The following ATL2 variants were observed in gnomAD, a reference collection of about 807,000 sequenced individuals.
ATL2 encodes atlastin-2.
Under a neutral mutation model 73.9 loss-of-function variants are expected in ATL2, and 31 were observed. The observed-to-expected ratio is 0.42, with a 90% CI of 0.32 to 0.57. The LOEUF is 0.57. ATL2 is among the 20% of genes least tolerant of loss of function. ATL2 has a pLI of 0.14. For missense variants in ATL2, 738 were observed against 702.6 expected, an observed-to-expected ratio of 1.05 and a Z score of -0.57; for synonymous variants, 291 against 237.5, an observed-to-expected ratio of 1.23 and a Z score of -2.07.
intron 2 of ATL2, 30 bp from the exon 3 acceptor site, chr2:38,319,049 C>T: frequency 1.9e-6 from 3 of 1,595,652 alleles, no homozygotes; most frequent in Non-Finnish European, 1.7e-6. Context: ...ATGTAAAATA[C>T]AACACAATTA....
At chr2:38,342,271 G>A (rs1303949287) in intron 2 of ATL2, among the ~76,000 whole-genome samples, 1 of 151,982 alleles carries the variant, frequency 6.6e-6, no homozygotes, top group Non-Finnish European at 1.5e-5. Flanking sequence ...CTTGTGCCAG[G>A]TGCTTGATAA....
At chr2:38,304,347 G>A (rs1046278374) in intron 9 of ATL2, among the ~76,000 whole-genome samples, 1 of 152,128 alleles carries the variant, frequency 6.6e-6, no homozygotes, top group Admixed American at 6.5e-5. Flanking sequence ...TCAAACAAAA[G>A]CTGAGGAATT....
intron 2 of ATL2, among the ~76,000 whole-genome samples, chr2:38,320,692 C>A (rs1000078218): frequency 1.1e-4 from 17 of 152,120 alleles, no homozygotes; most frequent in Admixed American, 4.6e-4. Flanking sequence ...ACAGGAAAAA[C>A]GCCTTTGTTT....
intron 4 of ATL2, among the ~76,000 whole-genome samples, chr2:38,318,156 T>C (rs1336490413): frequency 3.3e-5 from 5 of 151,716 alleles, no homozygotes; most frequent in East Asian, 1.9e-4. Flanking sequence ...TGAGAATCCA[T>C]CTCAAAAAAA....
chr2:38,310,633 T>TC (rs1238947539), intron 7 of ATL2, among the ~76,000 whole-genome samples, 186 bp from the exon 8 acceptor site: 1 of 124,686 alleles, frequency 8.0e-6, no homozygotes, highest in Non-Finnish European at 1.5e-5. Context: ...ACCCCACTTT[T>TC]TTTTTTTTTT....
At position 38,369,446 on chromosome 2, in the gene ATL2, G is replaced by GA. The variant is rs1172148119; in HGVS notation, c.118+7696dup. On this transcript the variant is annotated intron_variant, in intron 1 of 12. Transcript: ENST00000378954. ...CGACAGAGTAAGACTCTGTCTCAAA[G>GA]AAAAAATAAATAAATTTTTTTAGTA... Among the ~76,000 whole-genome samples the GA allele has an allele frequency of 5.3e-5, 8 of 151,346 alleles. 1 individual carries two copies. Among genetic ancestry groups the GA allele is most frequent in the African/African-American group, 1.9e-4 (8 of 41,250 alleles).
chr2:38,336,888 G>C (rs1243380869), intron 2 of ATL2, among the ~76,000 whole-genome samples: 1 of 152,158 alleles, frequency 6.6e-6, no homozygotes, highest in East Asian at 1.9e-4. Context: ...CCTAATGGAA[G>C]AATACGTCAT....
chr2:38,358,431 G>T, intron 1 of ATL2: 1 of 157,042 alleles, frequency 6.4e-6, no homozygotes, highest in South Asian at 1.6e-4. Flanking sequence ...GGCTGGGCGC[G>T]GTGGCTCACA....
At chr2:38,376,214 C>T in intron 1 of ATL2, 1 of 1,502,886 alleles carries the variant, frequency 6.7e-7, no homozygotes, top group South Asian at 1.3e-5. Flanking sequence ...GCGATCAATT[C>T]GCACCACAGT....
At chr2:38,356,308 C>T (rs917853666) in intron 1 of ATL2, among the ~76,000 whole-genome samples, 1 of 151,946 alleles carries the variant, frequency 6.6e-6, no homozygotes, top group South Asian at 2.1e-4. Context: ...ATTCTCCTCC[C>T]TCAGCCTCCC....
chr2:38,329,595 A>C (rs1668867894), intron 2 of ATL2, among the ~76,000 whole-genome samples: 1 of 152,040 alleles, frequency 6.6e-6, no homozygotes, highest in South Asian at 2.1e-4. Context: ...CTTCCTAATT[A>C]ATTCAAAGTA....
chr2:38,372,125 T>TTG (rs1245683023), intron 1 of ATL2, among the ~76,000 whole-genome samples: 41 of 117,402 alleles, frequency 3.5e-4, no homozygotes, highest in African/African-American at 2.8e-3. Context: ...TGTTAATTGT[T>TTG]TTTTTTTTTT....
chr2:38,364,057 T>G (rs1037430577), intron 1 of ATL2, among the ~76,000 whole-genome samples: 4 of 151,636 alleles, frequency 2.6e-5, no homozygotes, highest in African/African-American at 9.7e-5. Context: ...AGGTCAGGAG[T>G]TGGAGACCAG....
chr2:38,376,412 G>A (rs905412794), intron 1 of ATL2: 9 of 408,086 alleles, frequency 2.2e-5, no homozygotes, highest in Non-Finnish European at 2.5e-5. Context: ...CTTTCAGAGT[G>A]ATCAGGCCTT....
At chr2:38,300,169 A>T (rs997700395) in intron 10 of ATL2, 103 bp downstream of exon 10, 1 of 1,055,792 alleles carries the variant, frequency 9.5e-7, no homozygotes, top group Non-Finnish European at 1.4e-6. Context: ...TTTGCATGCA[A>T]AAAAGCACCC....
chr2:38,352,133 CAAAAAAAAAA>C lies in ATL2; in HGVS notation c.119-8631_119-8622del, dbSNP rs778821586. ...TTCAAAAACAAACAAAAACAACAAC[CAAAAAAAAAA>C]AAAAAAAAAAAAAAAAACCACCATA... On this transcript the variant is annotated intron_variant, in intron 1 of 12. Coordinates refer to ENST00000378954, the MANE Select transcript of ATL2 (RefSeq NM_001135673.4). Among the ~76,000 whole-genome samples the C allele has an allele frequency of 6.3e-4, 20 of 31,996 alleles. No homozygotes were observed. The South Asian group carries it at 0.011, about 17-fold the overall frequency. The allele number at this position is 31,996 out of a possible 152,430, so 21.0% of individuals were successfully genotyped here. A position where few individuals can be genotyped will look rare whatever the true frequency, so the allele number is the denominator to read the frequency against.
At chr2:38,325,687 CACACACACCAGT>C (rs1558411937) in intron 2 of ATL2, among the ~76,000 whole-genome samples, 8 of 75,588 alleles carry the variant, frequency 1.1e-4, no homozygotes, top group African/African-American at 7.2e-4. Context: ...CACACACACA[CACACACACCAGT>C]ACACACACAC....
chr2:38,349,292 G>C (rs369600141), intron 1 of ATL2, among the ~76,000 whole-genome samples: 1 of 151,996 alleles, frequency 6.6e-6, no homozygotes, highest in Non-Finnish European at 1.5e-5. Context: ...ATCAATGATA[G>C]ACTGGATTAA....
At chr2:38,301,057 G>T (rs967767617) in intron 9 of ATL2, among the ~76,000 whole-genome samples, 5 of 149,874 alleles carry the variant, frequency 3.3e-5, no homozygotes, top group African/African-American at 1.3e-4. Flanking sequence ...CACAACCTCC[G>T]CCTCCTGGGT....
Sources: gnomAD v4.1 joint callset for allele counts (sites outside exome capture counted in the v4.1 genomes callset) on GRCh38, gnomAD v4.1.1 for gene constraint, MANE v1.5 for transcripts, NCBI Gene and HGNC (gene_info 2026-07-23, HGNC 2026-07-21) for gene names.